The following CFAP299 variants were observed in gnomAD, a reference collection of about 807,000 sequenced individuals.
The protein encoded by CFAP299 is cilia and flagella associated protein 299.
A neutral mutation model predicts 27.0 loss-of-function variants in CFAP299; 21 were observed. The observed-to-expected ratio is 0.78, with a 90% CI of 0.55 to 1.12. The LOEUF (loss-of-function observed/expected upper bound fraction) is 1.12. Among genes scored for constraint, CFAP299 ranks in the 50% most tolerant of loss-of-function variants. CFAP299 has a pLI of 0.00. For missense variants in CFAP299, 310 were observed against 276.6 expected (o/e 1.12, Z -0.86); for synonymous variants, 104 against 98.1 (o/e 1.06, Z -0.36).
In CFAP299 at chr4:80,583,123, A is replaced by G. The variant is rs780064332; in HGVS notation, c.273A>G (p.Gln91=). The change falls in exon 3 of 6, where the codon CAA becomes CAG. Residue 91 remains glutamine, a synonymous_variant. Coordinates refer to ENST00000358105, the MANE Select transcript of CFAP299 (RefSeq NM_152770.3). Reference sequence around the variant, plus strand: ...TAACAAGTGCTGGTAAAGACCTACAAGATAATTTTCTGACGGCCCTGGCAA... The same window carrying G: ...TAACAAGTGCTGGTAAAGACCTACAGGATAATTTTCTGACGGCCCTGGCAA... The part of the protein sequence containing the change: ...KTLTSAGKDL[Q]DNFLTALAMR... The G allele has an allele frequency of 1.2e-6, 2 of 1,605,968 alleles. No homozygotes were observed. The highest frequency in any genetic ancestry group is 1.3e-5 in the African/African-American group (1 of 74,712).
chr4:80,802,719 C>T (rs1013607591), intron 3 of CFAP299, among the ~76,000 whole-genome samples: 17 of 151,874 alleles, frequency 1.1e-4, no homozygotes, highest in African/African-American at 3.6e-4. Context: ...GTGTTTCTCT[C>T]GATTTTTCTG....
At chr4:80,736,402 G>A (rs375868346) in intron 3 of CFAP299, among the ~76,000 whole-genome samples, 45 of 151,446 alleles carry the variant, frequency 3.0e-4, no homozygotes, top group Admixed American at 8.6e-4. Context: ...AGATATTTTC[G>A]CAACCTACTC....
At chr4:80,710,578 C>CCT (rs1553951721) in intron 3 of CFAP299, among the ~76,000 whole-genome samples, 7 of 138,876 alleles carry the variant, frequency 5.0e-5, no homozygotes, top group Non-Finnish European at 9.2e-5. Flanking sequence ...AGAAATAAGA[C>CCT]TTTTTTTTTT....
chr4:80,867,756 T>A (rs1207123412), intron 3 of CFAP299, among the ~76,000 whole-genome samples: 2 of 152,248 alleles, frequency 1.3e-5, no homozygotes, highest in Non-Finnish European at 2.9e-5. Context: ...TTGTAATGTA[T>A]TCACATTTCA....
chr4:80,353,429 G>T (rs146364158), intron 1 of CFAP299, among the ~76,000 whole-genome samples: 78 of 152,316 alleles, frequency 5.1e-4, no homozygotes, highest in Non-Finnish European at 8.8e-4. Context: ...ACATCCCAAA[G>T]TCTGTTGTGG....
At chr4:80,915,418 T>C (rs1239359075) in intron 4 of CFAP299, among the ~76,000 whole-genome samples, 1 of 152,066 alleles carries the variant, frequency 6.6e-6, no homozygotes, top group East Asian at 1.9e-4. Context: ...TTGTCCTGGA[T>C]TTTTCACACT....
At chr4:80,909,177 C>CT (rs531249182) in intron 4 of CFAP299, among the ~76,000 whole-genome samples, 10 of 148,842 alleles carry the variant, frequency 6.7e-5, no homozygotes, top group Non-Finnish European at 1.0e-4. Flanking sequence ...TACCAATTGC[C>CT]TTTTTTTTTT....
chr4:80,561,209 C>T (rs773105153), intron 2 of CFAP299, among the ~76,000 whole-genome samples: 6 of 152,248 alleles, frequency 3.9e-5, no homozygotes, highest in African/African-American at 7.2e-5. Context: ...TTGTTCAAGA[C>T]CATCAAGGTG....
intron 3 of CFAP299, among the ~76,000 whole-genome samples, chr4:80,727,781 C>T (rs1363960122): frequency 6.6e-6 from 1 of 151,826 alleles, no homozygotes; most frequent in Non-Finnish European, 1.5e-5. Flanking sequence ...TCTGTCATTA[C>T]ATTTGGGACA....
chr4:80,632,343 C>A (rs1050719114), intron 3 of CFAP299, among the ~76,000 whole-genome samples: 2 of 152,062 alleles, frequency 1.3e-5, no homozygotes, highest in Non-Finnish European at 2.9e-5. Flanking sequence ...ACTTAATTTG[C>A]TCATTCATTC....
intron 4 of CFAP299, among the ~76,000 whole-genome samples, chr4:80,908,746 CT>C (rs1735311485): frequency 6.6e-6 from 1 of 152,130 alleles, no homozygotes; most frequent in African/African-American, 2.4e-5. Context: ...TAAATATTTG[CT>C]AAAGCAGATT....
chr4:80,497,451 A>C (rs950057273), intron 2 of CFAP299, among the ~76,000 whole-genome samples: 1 of 152,180 alleles, frequency 6.6e-6, no homozygotes, highest in African/African-American at 2.4e-5. Context: ...GTAAGTTCTC[A>C]CTATTCTAAA....
chr4:80,611,377 C>G (rs558737685), intron 3 of CFAP299, among the ~76,000 whole-genome samples: 2 of 152,120 alleles, frequency 1.3e-5, no homozygotes, highest in South Asian at 2.1e-4. Context: ...TCCATGTGAA[C>G]TATACATTAT....
At chr4:80,742,195 G>T (rs1724315125) in intron 3 of CFAP299, among the ~76,000 whole-genome samples, 1 of 152,102 alleles carries the variant, frequency 6.6e-6, no homozygotes, top group Admixed American at 6.6e-5. Context: ...TAGTGATGGT[G>T]CTTTTCTGTG....
chr4:80,610,179 C>G (rs1224280029), intron 3 of CFAP299, among the ~76,000 whole-genome samples: 1 of 150,470 alleles, frequency 6.6e-6, no homozygotes, highest in East Asian at 1.9e-4. Context: ...TTTAATAATC[C>G]TTTTAATTTG....
intron 4 of CFAP299, among the ~76,000 whole-genome samples, chr4:80,891,092 T>C (rs952761196): frequency 1.3e-5 from 2 of 151,140 alleles, no homozygotes; most frequent in Non-Finnish European, 3.0e-5. Flanking sequence ...ATTTTGGCTT[T>C]GGTTGCCATT....
chr4:80,725,902 T>A (rs187520653), intron 3 of CFAP299, among the ~76,000 whole-genome samples: 47 of 152,328 alleles, frequency 3.1e-4, no homozygotes, highest in African/African-American at 1.1e-3. Flanking sequence ...GAAAGCCAGT[T>A]CTAACTGTTC....
At chr4:80,790,507 A>C (rs1371095461) in intron 3 of CFAP299, 1 of 152,020 alleles carries the variant, frequency 6.6e-6, no homozygotes, top group South Asian at 2.1e-4. Context: ...CAATTACATC[A>C]TGACGGTGGA....
At chr4:80,747,350 C>A (rs958543786) in intron 3 of CFAP299, among the ~76,000 whole-genome samples, 1 of 151,960 alleles carries the variant, frequency 6.6e-6, no homozygotes, top group Non-Finnish European at 1.5e-5. Context: ...CAATACAGTG[C>A]ACTATTATGG....
Sources: allele counts gnomAD v4.1 joint callset (sites outside exome capture counted in the v4.1 genomes callset), GRCh38; gene constraint gnomAD v4.1.1; transcripts MANE v1.5; gene names NCBI Gene and HGNC (gene_info 2026-07-23, HGNC 2026-07-21).